Variants in KIAA1958 observed in about 807,000 individuals in gnomAD.
The protein encoded by KIAA1958 is uncharacterized protein KIAA1958.
A neutral mutation model predicts 47.2 loss-of-function variants in KIAA1958; 14 were observed. That is an observed-to-expected ratio of 0.30 (90% CI 0.20 to 0.46). The LOEUF (loss-of-function observed/expected upper bound fraction) is 0.46. KIAA1958 is among the 20% of genes least tolerant of loss of function. KIAA1958 has a pLI of 1.00. For missense variants in KIAA1958, 803 were observed against 909.2 expected (o/e 0.88, Z 1.50); for synonymous variants, 354 against 353.3 (o/e 1.00, Z -0.02).
intron 1 of KIAA1958, among the ~76,000 whole-genome samples, chr9:112,524,366 A>G (rs1834605058): frequency 6.6e-6 from 1 of 152,254 alleles, no homozygotes; most frequent in South Asian, 2.1e-4. Flanking sequence ...TCCGCGCTTG[A>G]AGGGGGTCTA....
At chr9:112,652,409 G>C (rs1026045296) in intron 3 of KIAA1958, among the ~76,000 whole-genome samples, 6 of 152,154 alleles carry the variant, frequency 3.9e-5, no homozygotes, top group African/African-American at 1.4e-4. Flanking sequence ...GAAAACTAAG[G>C]AGGCAAACAA....
intron 1 of KIAA1958, among the ~76,000 whole-genome samples, chr9:112,487,875 T>C (rs1032353334): frequency 1.3e-5 from 2 of 150,808 alleles, no homozygotes; most frequent in African/African-American, 4.9e-5. Flanking sequence ...TTCTTTAAGG[T>C]TTTAGATTGG....
chr9:112,579,963 C>G (rs1306809404), intron 2 of KIAA1958, among the ~76,000 whole-genome samples: 1 of 152,216 alleles, frequency 6.6e-6, no homozygotes, highest in Non-Finnish European at 1.5e-5. Context: ...CATTTGCCAC[C>G]TTGCCTTCCT....
At chr9:112,630,524 A>G (rs540091391) in intron 2 of KIAA1958, among the ~76,000 whole-genome samples, 1 of 152,338 alleles carries the variant, frequency 6.6e-6, no homozygotes, top group Admixed American at 6.5e-5. Flanking sequence ...CAAGCTAAGG[A>G]GATACCGTGT....
chr9:112,500,960 A>AT (rs1294293561), intron 1 of KIAA1958, among the ~76,000 whole-genome samples: 6 of 151,704 alleles, frequency 4.0e-5, no homozygotes. Context: ...AAAAAAAAAA[A>AT]ATTAGCCCGG....
intron 2 of KIAA1958, among the ~76,000 whole-genome samples, chr9:112,624,167 A>G (rs1330856402): frequency 2.0e-5 from 3 of 152,208 alleles, no homozygotes; most frequent in African/African-American, 7.2e-5. Flanking sequence ...AAAAATAGTT[A>G]CAAGTACTGA....
At chr9:112,565,713 C>T (rs1402434106) in intron 1 of KIAA1958, among the ~76,000 whole-genome samples, 2 of 152,100 alleles carry the variant, frequency 1.3e-5, no homozygotes, top group African/African-American at 2.4e-5. Flanking sequence ...ATTTAATTGC[C>T]TTAATATATC....
At chr9:112,517,515 C>T (rs1350195101) in intron 1 of KIAA1958, among the ~76,000 whole-genome samples, 1 of 152,108 alleles carries the variant, frequency 6.6e-6, no homozygotes, top group Non-Finnish European at 1.5e-5. Flanking sequence ...TGGAGAAAAT[C>T]TTTGTGACCT....
chr9:112,593,566 G>GT (rs1289921480), intron 2 of KIAA1958, among the ~76,000 whole-genome samples: 2 of 152,056 alleles, frequency 1.3e-5, no homozygotes, highest in African/African-American at 2.4e-5. Context: ...GACTATATTT[G>GT]TTTTTTTGTT....
intron 1 of KIAA1958, among the ~76,000 whole-genome samples, chr9:112,554,098 G>C: frequency 6.6e-6 from 1 of 152,164 alleles, no homozygotes; most frequent in Non-Finnish European, 1.5e-5. Context: ...AAGAACTACA[G>C]AAATTTCTTC....
intron 1 of KIAA1958, among the ~76,000 whole-genome samples, chr9:112,518,482 T>C (rs1003465548): frequency 2.0e-5 from 3 of 152,232 alleles, no homozygotes; most frequent in Non-Finnish European, 2.9e-5. Context: ...TACCATATGA[T>C]TCTATTTATT....
At position 112,618,108 on chromosome 9, in the gene KIAA1958, G is replaced by A; in HGVS notation, c.1172-27542G>A. On this transcript the variant is annotated intron_variant, in intron 2 of 3. Transcript: ENST00000337530. The surrounding 1 kb of genome is among the most constrained non-coding windows in gnomAD (Gnocchi z 7.1). The stretch of plus-strand genomic sequence containing the variant: ...CCCAACAGCTTGGCCAATTACCAGT[G>A]TGGGCTCGAAAGGTACCTGAAAGAA... 1 of 1,550,618 alleles carries A rather than the reference G, an allele frequency of 6.4e-7. No individual in the cohort carries two copies. The highest frequency in any genetic ancestry group is 8.7e-7 in the Non-Finnish European group (1 of 1,147,020).
At chr9:112,636,272 C>T (rs1052807434) in intron 2 of KIAA1958, among the ~76,000 whole-genome samples, 2 of 151,166 alleles carry the variant, frequency 1.3e-5, no homozygotes, top group African/African-American at 4.9e-5. Context: ...TTATTTAATC[C>T]TTTGAAAAGT....
rs1835597361 is a variant in KIAA1958 at position 112,574,388 on chromosome 9, C to T, written c.308C>T (p.Pro103Leu). 2 of 1,614,146 alleles carry T rather than the reference C, an allele frequency of 1.2e-6. No homozygotes were observed. The highest frequency in any genetic ancestry group is 1.1e-5 in the South Asian group (1 of 91,072). ...CAGACTAGCCCTGTTGAAAGGTACC[C>T]TGGGAGACCAGTGAAAGCAAAGCTA... ...ETQTSPVERY[P>L]GRPVKAKLDC... Residue 103 changes from proline (P) to leucine (L), a missense_variant, in exon 2 of 4, where the codon CCT (proline) becomes CTT (leucine). Pro to Leu is a moderately conservative substitution (Grantham distance 98). Coordinates refer to ENST00000337530, the MANE Select transcript of KIAA1958 (RefSeq NM_133465.4).
chr9:112,554,538 A>C (rs1296600822), intron 1 of KIAA1958, among the ~76,000 whole-genome samples: 2 of 152,058 alleles, frequency 1.3e-5, no homozygotes, highest in African/African-American at 2.4e-5. Context: ...AGCTAAACAA[A>C]ATGTCCAAAA....
chr9:112,644,100 C>T (rs1836937973), intron 2 of KIAA1958, among the ~76,000 whole-genome samples: 1 of 152,018 alleles, frequency 6.6e-6, no homozygotes, highest in African/African-American at 2.4e-5. Context: ...ATCGCGTGAA[C>T]CTGGGAGGTG....
At chr9:112,616,622 C>T (rs1381456822) in intron 2 of KIAA1958, among the ~76,000 whole-genome samples, 1 of 152,206 alleles carries the variant, frequency 6.6e-6, no homozygotes, top group Non-Finnish European at 1.5e-5. Flanking sequence ...GTTTGCCTCT[C>T]AACAATCAAT....
At chr9:112,566,716 T>C (rs905222598) in intron 1 of KIAA1958, among the ~76,000 whole-genome samples, 1 of 152,072 alleles carries the variant, frequency 6.6e-6, no homozygotes. Flanking sequence ...AGTATATTAC[T>C]CCACCATCAC....
intron 2 of KIAA1958, chr9:112,619,183 A>T (rs1369474573): frequency 1.1e-5 from 2 of 180,890 alleles, no homozygotes; most frequent in African/African-American, 4.8e-5. Context: ...CGTGGTTCTC[A>T]GGCAACACAA....
Sources: gnomAD v4.1 joint callset for allele counts (sites outside exome capture counted in the v4.1 genomes callset) on GRCh38, gnomAD v4.1.1 for gene constraint, Gnocchi (gnomAD v3.1) non-coding constraint, MANE v1.5 for transcripts, NCBI Gene and HGNC (gene_info 2026-07-23, HGNC 2026-07-21) for gene names.